CSMD3: variants seen among roughly 807,000 people sequenced by gnomAD.
The protein encoded by CSMD3 is CUB and Sushi multiple domains 3.
A neutral mutation model predicts 435.2 loss-of-function variants in CSMD3; 177 were observed. The observed-to-expected ratio is 0.41, with a 90% CI of 0.36 to 0.46. The LOEUF is 0.46. Ranked by LOEUF, CSMD3 falls within the 20% of genes least tolerant of loss-of-function variation. CSMD3 has a pLI of 0.34. For missense variants in CSMD3, 4,265 were observed against 4,504.6 expected (o/e 0.95, Z 1.52); for synonymous variants, 1,656 against 1,520.5 (o/e 1.09, Z -2.07).
At chr8:112,562,160 A>T (rs1043267350) in intron 24 of CSMD3, among the ~76,000 whole-genome samples, 1 of 151,650 alleles carries the variant, frequency 6.6e-6, no homozygotes, top group Admixed American at 6.6e-5. Flanking sequence ...TTGGCTTACT[A>T]AAAGATAAAT....
At chr8:113,225,880 T>G (rs2093022202) in intron 3 of CSMD3, among the ~76,000 whole-genome samples, 1 of 151,540 alleles carries the variant, frequency 6.6e-6, no homozygotes, top group African/African-American at 2.4e-5. Flanking sequence ...CCCCACTTGT[T>G]GAAGAACGGA....
chr8:112,894,409 A>G (rs996599880), intron 10 of CSMD3, among the ~76,000 whole-genome samples: 1 of 151,420 alleles, frequency 6.6e-6, no homozygotes, highest in Non-Finnish European at 1.5e-5. Flanking sequence ...TTGCCACAAC[A>G]GATTAGTATA....
chr8:112,386,434 T>C (rs999262890), intron 36 of CSMD3, among the ~76,000 whole-genome samples: 3 of 152,122 alleles, frequency 2.0e-5, no homozygotes, highest in Admixed American at 6.5e-5. Context: ...ATGAGATTTG[T>C]TAAGGGACTC....
At chr8:113,195,797 A>ATATG (rs1442422949) in intron 3 of CSMD3, among the ~76,000 whole-genome samples, 1 of 137,386 alleles carries the variant, frequency 7.3e-6, no homozygotes, top group African/African-American at 2.9e-5. Context: ...TATTTTATAT[A>ATATG]TATATATATA....
At chr8:113,360,075 A>G (rs1056008816) in intron 1 of CSMD3, among the ~76,000 whole-genome samples, 2 of 152,110 alleles carry the variant, frequency 1.3e-5, no homozygotes, top group African/African-American at 4.8e-5. Flanking sequence ...CTAGAAATTC[A>G]ATTTTCATTG....
chr8:112,581,513 T>C (rs2131331621), intron 23 of CSMD3, among the ~76,000 whole-genome samples: 1 of 152,214 alleles, frequency 6.6e-6, no homozygotes, highest in South Asian at 2.1e-4. Context: ...ATATATTCAC[T>C]TTTATTAGAT....
intron 13 of CSMD3, among the ~76,000 whole-genome samples, chr8:112,792,631 C>T (rs2132295786): frequency 6.6e-6 from 1 of 152,228 alleles, no homozygotes; most frequent in African/African-American, 2.4e-5. Context: ...GCTAAGGTAA[C>T]TAGGCTTTTC....
chr8:112,547,521 C>G (rs183592668), intron 27 of CSMD3, among the ~76,000 whole-genome samples: 2 of 152,018 alleles, frequency 1.3e-5, no homozygotes, highest in African/African-American at 2.4e-5. Context: ...GCACTGCACC[C>G]TGGGTGACAG....
In CSMD3 at chr8:113,193,029, C is replaced by T. The variant is rs535210554; in HGVS notation, c.515-19113G>A. ...AGACCCATTATAACAGCATTTCTTT[C>T]CTATTGAACTGCTTATACTCAAAGT... is the stretch of plus-strand genomic sequence containing the variant. On this transcript the variant is annotated intron_variant, in intron 3 of 70. Coordinates refer to ENST00000297405, the MANE Select transcript of CSMD3 (RefSeq NM_198123.2). Among the ~76,000 whole-genome samples the T allele has an allele frequency of 4.0e-5, 6 of 151,566 alleles. No homozygotes were observed. The South Asian group carries it at 1.2e-3, about 31-fold the overall frequency.
At chr8:112,519,050 A>G (rs1034707152) in intron 27 of CSMD3, among the ~76,000 whole-genome samples, 1 of 152,126 alleles carries the variant, frequency 6.6e-6, no homozygotes. Context: ...CCCTCCACTG[A>G]CATGTGGGGA....
chr8:112,257,029 CA>C (rs1815874484), intron 61 of CSMD3, among the ~76,000 whole-genome samples: 1 of 152,122 alleles, frequency 6.6e-6, no homozygotes, highest in South Asian at 2.1e-4. Context: ...CCCTGAAATT[CA>C]AGACTACACG....
intron 4 of CSMD3, among the ~76,000 whole-genome samples, chr8:113,104,162 G>A (rs895173436): frequency 2.6e-5 from 4 of 152,062 alleles, no homozygotes; most frequent in Admixed American, 6.6e-5. Context: ...GTGGGGTGCA[G>A]GAAATAGGCT....
intron 38 of CSMD3, among the ~76,000 whole-genome samples, chr8:112,375,283 T>C (rs1171901928): frequency 1.3e-5 from 2 of 152,178 alleles, no homozygotes; most frequent in Non-Finnish European, 2.9e-5. Context: ...GAAAAGAGAT[T>C]TGTCTCATTC....
intron 13 of CSMD3, among the ~76,000 whole-genome samples, chr8:112,794,001 T>A (rs145632875): frequency 7.2e-5 from 11 of 152,272 alleles, no homozygotes; most frequent in Non-Finnish European, 1.6e-4. Flanking sequence ...TGACAGAAAC[T>A]GAACTCACCA....
chr8:112,666,214 G>A (rs934095844), intron 17 of CSMD3, 63 bp downstream of exon 17: 1 of 1,265,626 alleles, frequency 7.9e-7, no homozygotes, highest in Admixed American at 1.8e-5. Flanking sequence ...AAATGCAAAA[G>A]AGAATGTCAA....
At chr8:112,542,260 T>C (rs1329219965) in intron 27 of CSMD3, among the ~76,000 whole-genome samples, 2 of 148,438 alleles carry the variant, frequency 1.3e-5, no homozygotes, top group African/African-American at 5.0e-5. Flanking sequence ...AAGCCAAGGA[T>C]GTTCACTTCC....
chr8:112,500,683 T>C (rs1474392538), intron 30 of CSMD3, among the ~76,000 whole-genome samples: 1 of 152,184 alleles, frequency 6.6e-6, no homozygotes, highest in Non-Finnish European at 1.5e-5. Context: ...CATATCACTT[T>C]CTTTTCTAAC....
chr8:112,979,803 T>C (rs1441743404), intron 6 of CSMD3, among the ~76,000 whole-genome samples: 1 of 151,202 alleles, frequency 6.6e-6, no homozygotes, highest in African/African-American at 2.4e-5. Context: ...AATTAGATTA[T>C]CCTGTCATTA....
intron 2 of CSMD3, among the ~76,000 whole-genome samples, chr8:113,278,925 A>G (rs188790294): frequency 1.8e-4 from 28 of 151,862 alleles, no homozygotes; most frequent in African/African-American, 6.5e-4. Context: ...TGTTTAAGCT[A>G]CTAAGTTTGT....
Sources: allele counts gnomAD v4.1 joint callset (sites outside exome capture counted in the v4.1 genomes callset), GRCh38; gene constraint gnomAD v4.1.1; transcripts MANE v1.5; gene names NCBI Gene and HGNC (gene_info 2026-07-23, HGNC 2026-07-21).